The following OSBPL5 variants were observed in gnomAD, a reference collection of about 807,000 sequenced individuals.
The protein encoded by OSBPL5 is oxysterol-binding protein-related protein 5.
In OSBPL5, 71 loss-of-function variants were observed where a neutral mutation model predicts 111.2. The observed-to-expected ratio is 0.64, with a 90% confidence interval of 0.53 to 0.78. The LOEUF (loss-of-function observed/expected upper bound fraction) is 0.78. Among genes scored for constraint, OSBPL5 ranks in the 30% least tolerant of loss-of-function variants. OSBPL5 has a pLI of 0.00. For synonymous variants in OSBPL5, 549 were observed against 513.9 expected, an observed-to-expected ratio of 1.07 and a Z score of -0.93; for missense variants, 1,210 against 1,189.3, an observed-to-expected ratio of 1.02 and a Z score of -0.26.
chr11:3,140,739 G>A lies in OSBPL5; in HGVS notation c.-21-11570C>T, dbSNP rs561645205. Among the ~76,000 whole-genome samples, 15 of 152,128 alleles carry A rather than the reference G, an allele frequency of 9.9e-5. No individual in the cohort carries two copies. The highest frequency in any genetic ancestry group is 1.9e-4 in the East Asian group (1 of 5,188). ...TCATAAGGTCACCTGCTGCCCACAC[G>A]TCCCATCCTAGTCCTCCTTGGGGTA... On this transcript the variant is annotated intron_variant, in intron 1 of 21. Coordinates refer to ENST00000263650, the MANE Select transcript of OSBPL5 (RefSeq NM_020896.4). The surrounding 1 kb of genome is among the most constrained non-coding windows in gnomAD (Gnocchi z 4.5).
In OSBPL5 at chr11:3,113,254, T is replaced by C. The variant is rs1185545929; in HGVS notation, c.692-5309A>G. Among the ~76,000 whole-genome samples the C allele has an allele frequency of 1.3e-5, 2 of 152,252 alleles. No individual in the cohort carries two copies. Among genetic ancestry groups the C allele is most frequent in the Non-Finnish European group, 2.9e-5 (2 of 68,054 alleles). On this transcript the variant is annotated intron_variant, in intron 7 of 21. Coordinates refer to ENST00000263650, the MANE Select transcript of OSBPL5 (RefSeq NM_020896.4). The surrounding 1 kb of genome is among the most constrained non-coding windows in gnomAD (Gnocchi z 4.8). ...TGTCTTAAGAATTGCCAGCATATATTTTTGTTTGCATTTATTAATCAAGCA... is the reference window on the plus strand; with the variant it reads ...TGTCTTAAGAATTGCCAGCATATATCTTTGTTTGCATTTATTAATCAAGCA...
chr11:3,101,539 C>A, intron 13 of OSBPL5, 64 bp downstream of exon 13: 1 of 1,465,396 alleles, frequency 6.8e-7, no homozygotes, highest in South Asian at 1.2e-5. Context: ...CACTGGCTCC[C>A]GGAGTCCTCC....
At position 3,132,064 on chromosome 11, in the gene OSBPL5, C is replaced by T. The variant is rs1845830620; in HGVS notation, c.-21-2895G>A. Among the ~76,000 whole-genome samples, 3 of 149,762 alleles carry T rather than the reference C, an allele frequency of 2.0e-5. No individual in the cohort carries two copies. The South Asian group carries it at 6.4e-4, about 32-fold the overall frequency. ...ATCCATCCATCCATTCACCCACCTG[C>T]CACCCCTCTATCCCTCCTTGAAGCT... On this transcript the variant is annotated intron_variant, in intron 1 of 21. Transcript: ENST00000263650.
At chr11:3,091,171 C>T (rs527537718) in intron 19 of OSBPL5, among the ~76,000 whole-genome samples, 93 of 152,370 alleles carry the variant, frequency 6.1e-4, no homozygotes, top group Non-Finnish European at 1.2e-3. Context: ...CACACTCAGC[C>T]GGCTGCTCAC....
chr11:3,136,309 G>A (rs1049298622), intron 1 of OSBPL5, among the ~76,000 whole-genome samples: 1 of 152,352 alleles, frequency 6.6e-6, no homozygotes, highest in East Asian at 1.9e-4. Context: ...CCAGACGCTC[G>A]CCTTCAGGCT....
Position 3,142,727 on chromosome 11 carries a change from C to T in OSBPL5, c.-21-13558G>A, listed in dbSNP as rs12273372. On this transcript the variant is annotated intron_variant, in intron 1 of 21. Transcript: ENST00000263650. This position sits in a 1 kb window ranked among gnomAD's most constrained non-coding sequence, Gnocchi z 7.1. ...CCTCTGTCTCCGTGTCCGCGGGGCC[C>T]GGCAGGAAGTCGTGTGCAGGGGTGG... Among the ~76,000 whole-genome samples, 29,162 of 151,950 alleles carry T rather than the reference C, an allele frequency of 0.19. 5,123 individuals carry two copies. Among genetic ancestry groups the T allele is most frequent in the African/African-American group, 0.47 (19,316 of 41,374 alleles).
At chr11:3,132,934 C>T (rs950416293) in intron 1 of OSBPL5, among the ~76,000 whole-genome samples, 2 of 152,172 alleles carry the variant, frequency 1.3e-5, no homozygotes, top group African/African-American at 2.4e-5. Context: ...CCTGTCGTGT[C>T]GCACGGCTCC....
chr11:3,103,815 C>CT (rs1480376487), intron 10 of OSBPL5, among the ~76,000 whole-genome samples: 380 of 35,274 alleles, frequency 0.011, 7 homozygotes, highest in South Asian at 0.027. Context: ...CCTCTTCCTG[C>CT]CTGCGCAGCC....
At chr11:3,149,498 G>A (rs528913623) in intron 1 of OSBPL5, among the ~76,000 whole-genome samples, 75 of 152,348 alleles carry the variant, frequency 4.9e-4, no homozygotes, top group Admixed American at 1.7e-3. Context: ...CGCTCCATGA[G>A]CTTCCCCTGC....
chr11:3,100,445 T>C (rs961299824), intron 13 of OSBPL5, among the ~76,000 whole-genome samples, 189 bp from the exon 14 acceptor site: 1 of 152,242 alleles, frequency 6.6e-6, no homozygotes, highest in Non-Finnish European at 1.5e-5. Flanking sequence ...TTGTCCAGTG[T>C]GCACAGGACA....
rs1846131884 is a variant in OSBPL5 at position 3,141,916 on chromosome 11, C to G, written c.-21-12747G>C. Among the ~76,000 whole-genome samples, 1 of 152,052 alleles carries G rather than the reference C, an allele frequency of 6.6e-6. No individual in the cohort carries two copies. The highest frequency in any genetic ancestry group is 1.5e-5 in the Non-Finnish European group (1 of 67,994). On this transcript the variant is annotated intron_variant, in intron 1 of 21. Coordinates refer to ENST00000263650, the MANE Select transcript of OSBPL5 (RefSeq NM_020896.4). This position sits in a 1 kb window ranked among gnomAD's most constrained non-coding sequence, Gnocchi z 6.5. ...GTTACAGTTGCAGTTTCTTTTCTTT[C>G]TTTTTATTTTTTTTGAGACGGAGTC...
At chr11:3,152,409 G>C (rs961864926) in intron 1 of OSBPL5, among the ~76,000 whole-genome samples, 2 of 152,230 alleles carry the variant, frequency 1.3e-5, no homozygotes, top group African/African-American at 4.8e-5. Flanking sequence ...GGATTGCCAA[G>C]GTGGTCTGCG....
At chr11:3,148,781 G>A (rs1273935922) in intron 1 of OSBPL5, among the ~76,000 whole-genome samples, 1 of 152,230 alleles carries the variant, frequency 6.6e-6, no homozygotes, top group Non-Finnish European at 1.5e-5. Context: ...GCATCTCCCA[G>A]AGGGAGGCTA....
chr11:3,114,533 A>G (rs1360245897), intron 7 of OSBPL5, among the ~76,000 whole-genome samples: 6 of 150,648 alleles, frequency 4.0e-5, no homozygotes, highest in African/African-American at 1.2e-4. Context: ...TGGTCTTTCT[A>G]GAGATTGGGT....
At chr11:3,163,419 C>T (rs777864214) in intron 1 of OSBPL5, among the ~76,000 whole-genome samples, 5 of 151,100 alleles carry the variant, frequency 3.3e-5, no homozygotes, top group Non-Finnish European at 5.9e-5. Flanking sequence ...CTCCCCCAAG[C>T]GTTACATGTC....
In OSBPL5 at chr11:3,146,077, G is replaced by A. The variant is rs1019921202; in HGVS notation, c.-21-16908C>T. The A allele has an allele frequency of 1.3e-5, 2 of 152,176 alleles. No homozygotes were observed. The highest frequency in any genetic ancestry group is 4.8e-5 in the African/African-American group (2 of 41,444). The allele number at this position is 152,176 out of a possible 1,614,324, so 9.4% of individuals were successfully genotyped here. On this transcript the variant is annotated intron_variant, in intron 1 of 21. Transcript: ENST00000263650. This position sits in a 1 kb window ranked among gnomAD's most constrained non-coding sequence, Gnocchi z 7.8. ...CCAGACCCAGGGGCCTTGGCCCCAGGAGCCCACAGAAGCCGAGTGTCATTT... is the reference window on the plus strand; with the variant it reads ...CCAGACCCAGGGGCCTTGGCCCCAGAAGCCCACAGAAGCCGAGTGTCATTT...
chr11:3,103,189 G>C, intron 11 of OSBPL5, 50 bp downstream of exon 11: 2 of 1,517,732 alleles, frequency 1.3e-6, no homozygotes, highest in Middle Eastern at 3.4e-4. Context: ...GGGCTGAGCA[G>C]ACAGACTCCT....
At chr11:3,157,597 C>T (rs770608105) in intron 1 of OSBPL5, among the ~76,000 whole-genome samples, 7 of 152,230 alleles carry the variant, frequency 4.6e-5, no homozygotes, top group Non-Finnish European at 1.0e-4. Context: ...AGCAGGTGGG[C>T]GCCACAAGGC....
chr11:3,088,315 C>A lies in OSBPL5; in HGVS notation c.2530G>T (p.Ala844Ser). ...RHLSAMLSST[A>S]RAAQAPTPGL... ...GGGGTCGGTGCCTGTGCTGCCCGTGCCGTGGAGCTCAGCATGGCCGAGAGG... is the reference window on the plus strand; with the variant it reads ...GGGGTCGGTGCCTGTGCTGCCCGTGACGTGGAGCTCAGCATGGCCGAGAGG... The change falls in exon 22 of 22, where the codon GCA (alanine) becomes TCA (serine). Residue 844 changes from alanine to serine, a missense_variant. Ala to Ser is a moderately conservative substitution (Grantham distance 99, BLOSUM62 1). Transcript: ENST00000263650. 1 of 1,596,782 alleles carries A rather than the reference C, an allele frequency of 6.3e-7. No homozygotes were observed. Among genetic ancestry groups the A allele is most frequent in the Non-Finnish European group, 8.5e-7 (1 of 1,173,074 alleles).
Sources: allele counts gnomAD v4.1 joint callset (sites outside exome capture counted in the v4.1 genomes callset), GRCh38; gene constraint gnomAD v4.1.1; non-coding constraint Gnocchi (gnomAD v3.1); transcripts MANE v1.5; gene names NCBI Gene and HGNC (gene_info 2026-07-23, HGNC 2026-07-21).